Variants in TERF1 observed in about 807,000 individuals in gnomAD.
TERF1 encodes the protein telomeric repeat-binding factor 1.
Under a neutral mutation model 55.1 loss-of-function variants are expected in TERF1, and 20 were observed. The ratio of observed to expected loss-of-function variants is 0.36; its 90% confidence interval spans 0.26 to 0.53. The LOEUF (loss-of-function observed/expected upper bound fraction) is 0.53. Ranked by LOEUF, TERF1 falls within the 20% of genes least tolerant of loss-of-function variation. The pLI is 0.91. For missense variants in TERF1, 439 were observed against 535.7 expected (o/e 0.82, Z 1.78); for synonymous variants, 168 against 181.2 (o/e 0.93, Z 0.59).
At chr8:73,015,430 A>G (rs1332076250) in intron 2 of TERF1, among the ~76,000 whole-genome samples, 1 of 151,890 alleles carries the variant, frequency 6.6e-6, no homozygotes, top group Non-Finnish European at 1.5e-5. Flanking sequence ...GGCCAGGCAT[A>G]GTGACTCACA....
At chr8:73,044,732 A>G (rs978984870) in intron 9 of TERF1, among the ~76,000 whole-genome samples, 9 of 152,062 alleles carry the variant, frequency 5.9e-5, no homozygotes, top group Non-Finnish European at 1.3e-4. Flanking sequence ...CCTTGCCACC[A>G]TCATTCTACT....
At chr8:73,028,479 G>C (rs147681137) in intron 6 of TERF1, among the ~76,000 whole-genome samples, 5 of 150,844 alleles carry the variant, frequency 3.3e-5, no homozygotes, top group African/African-American at 1.2e-4. Context: ...AATCTCTTTA[G>C]ATCACTCCCA....
rs73687065 is a variant in TERF1, at chr8:73,033,303, T to C, written c.1039+1170T>C. Among the ~76,000 whole-genome samples, 1,056 of 152,264 alleles carry C rather than the reference T, an allele frequency of 6.9e-3. 8 individuals are homozygous for C. Among genetic ancestry groups the C allele is most frequent in the African/African-American group, 0.023 (971 of 41,552 alleles). On this transcript the variant is annotated intron_variant, in intron 8 of 9. Transcript: ENST00000276603. ...AGAAAACGGAAACTCAGTAAAGTTA[T>C]GTGCTTAATGTTGGTGGAGTTCCAA...
chr8:73,037,738 AAT>A (rs1227777865), intron 8 of TERF1, among the ~76,000 whole-genome samples: 1 of 79,760 alleles, frequency 1.3e-5, no homozygotes, highest in Non-Finnish European at 2.1e-5. Flanking sequence ...TATAGTATGA[AAT>A]ATATATTATA....
At chr8:73,040,839 T>C (rs184061392) in intron 9 of TERF1, among the ~76,000 whole-genome samples, 2 of 152,304 alleles carry the variant, frequency 1.3e-5, no homozygotes, top group East Asian at 1.9e-4. Flanking sequence ...TATTAATATA[T>C]CTTCAAATGT....
intron 9 of TERF1, among the ~76,000 whole-genome samples, chr8:73,045,062 A>G (rs2129932394): frequency 6.6e-6 from 1 of 152,282 alleles, no homozygotes; most frequent in South Asian, 2.1e-4. Flanking sequence ...TTGCTGGATC[A>G]TATGGTAGTC....
intron 4 of TERF1, among the ~76,000 whole-genome samples, chr8:73,022,709 G>C (rs1350913453): frequency 1.3e-5 from 2 of 152,176 alleles, no homozygotes; most frequent in African/African-American, 4.8e-5. Context: ...TACTTTAGGA[G>C]GCTGAAGCAG....
At chr8:73,023,930 T>A (rs774072650) in intron 4 of TERF1, among the ~76,000 whole-genome samples, 1 of 152,212 alleles carries the variant, frequency 6.6e-6, no homozygotes, top group Non-Finnish European at 1.5e-5. Context: ...GCAATTCCAC[T>A]TCTAGACAAT....
At chr8:73,013,648 T>C in intron 1 of TERF1, 1 of 380,444 alleles carries the variant, frequency 2.6e-6, no homozygotes, top group Admixed American at 4.5e-5. Context: ...TTTTTGTTAA[T>C]GTAGACTGCT....
chr8:73,026,977 C>T lies in TERF1; in HGVS notation c.812C>T (p.Thr271Ile). The T allele has an allele frequency of 6.2e-7, 1 of 1,612,082 alleles. No homozygotes were observed. The highest frequency in any genetic ancestry group is 8.5e-7 in the Non-Finnish European group (1 of 1,179,708). The change falls in exon 6 of 10, where the codon ACA becomes ATA. Residue 271 changes from threonine (T) to isoleucine (I), a missense_variant. Around this residue, in one of 4 missense-constraint regions of TERF1, gnomAD observed 140 missense variants for 158.6 expected, o/e 0.88. Transcript: ENST00000276603. Reference sequence around the variant, plus strand: ...GTAGTAGAAAGCAAAAGGACAAGAACAATAACTTCTCAAGATAAACCTAGT... The same window carrying T: ...GTAGTAGAAAGCAAAAGGACAAGAATAATAACTTCTCAAGATAAACCTAGT... The part of the protein sequence containing the change: ...AKVVESKRTR[T>I]ITSQDKPSGN...
intron 8 of TERF1, among the ~76,000 whole-genome samples, chr8:73,037,695 AG>A (rs1809613686): frequency 4.6e-5 from 2 of 43,888 alleles, no homozygotes; most frequent in Non-Finnish European, 8.7e-5. Context: ...TATATTATAT[AG>A]TATAATATTA....
intron 8 of TERF1, among the ~76,000 whole-genome samples, chr8:73,037,560 A>G (rs558507940): frequency 0.013 from 1,400 of 111,140 alleles, 43 homozygotes; most frequent in African/African-American, 0.046. Flanking sequence ...TTCGGGGGGG[A>G]AAATATATAT....
intron 8 of TERF1, 49 bp downstream of exon 8, chr8:73,032,182 A>C: frequency 7.3e-7 from 1 of 1,360,732 alleles, no homozygotes; most frequent in Non-Finnish European, 1.0e-6. Flanking sequence ...ATGTGTCCTC[A>C]AACAATCCAG....
At chr8:73,028,571 A>ACT in intron 6 of TERF1, among the ~76,000 whole-genome samples, 1 of 104,416 alleles carries the variant, frequency 9.6e-6, no homozygotes, top group Non-Finnish European at 1.8e-5. Flanking sequence ...ACGTAGACCC[A>ACT]TTTTTTTTTT....
chr8:73,036,199 A>G (rs1460701032), intron 8 of TERF1, among the ~76,000 whole-genome samples: 3 of 152,216 alleles, frequency 2.0e-5, no homozygotes, highest in African/African-American at 4.8e-5. Context: ...AATAGCAAAC[A>G]AGCCAGTACC....
At chr8:73,033,106 A>G (rs142802933) in intron 8 of TERF1, among the ~76,000 whole-genome samples, 1,671 of 150,280 alleles carry the variant, frequency 0.011, 29 homozygotes, top group African/African-American at 0.039. Flanking sequence ...TTATTTCTCC[A>G]TGCTCATAAG....
chr8:73,039,370 C>CT lies in TERF1; in HGVS notation c.1143+152dup, dbSNP rs1487657336. On this transcript the variant is annotated intron_variant, in intron 9 of 9. Coordinates refer to ENST00000276603, the MANE Select transcript of TERF1 (RefSeq NM_017489.3). Reference sequence around the variant, plus strand: ...TTATTTTGCCGTCTTAGATAGGTGACTAATCAGCCTATTCAAAATGAAATA... The same window carrying CT: ...TTATTTTGCCGTCTTAGATAGGTGACTTAATCAGCCTATTCAAAATGAAATA... The CT allele has an allele frequency of 3.3e-5, 18 of 548,148 alleles. No individual in the cohort carries two copies. In the African/African-American group the frequency reaches 3.3e-4, roughly 10 times the overall value. 34.0% of individuals were successfully genotyped at this position (548,148 alleles called of 1,614,324 possible).
At chr8:73,009,324 T>C (rs574649908) in intron 1 of TERF1, 119 bp downstream of exon 1, 4 of 620,978 alleles carry the variant, frequency 6.4e-6, no homozygotes, top group African/African-American at 6.2e-5. Flanking sequence ...GCCGATTAGC[T>C]GGGAGTCCGA....
chr8:73,016,962 C>G (rs1474151352), intron 2 of TERF1, among the ~76,000 whole-genome samples: 1 of 152,116 alleles, frequency 6.6e-6, no homozygotes, highest in Non-Finnish European at 1.5e-5. Context: ...TTTAGTTCAT[C>G]TCATTTTCAT....
Sources: gnomAD v4.1 joint callset for allele counts (sites outside exome capture counted in the v4.1 genomes callset) on GRCh38, gnomAD v4.1.1 for gene constraint, gnomAD v4.1.1 regional missense constraint, MANE v1.5 for transcripts, NCBI Gene and HGNC (gene_info 2026-07-23, HGNC 2026-07-21) for gene names.